The following G3BP2 variants were observed in gnomAD, a reference collection of about 807,000 sequenced individuals.
The protein encoded by G3BP2 is G3BP stress granule assembly factor 2.
A neutral mutation model predicts 56.7 loss-of-function variants in G3BP2; 11 were observed. That is an observed-to-expected ratio of 0.19 (90% CI 0.12 to 0.32). The LOEUF is 0.32. Among genes scored for constraint, G3BP2 ranks in the 10% least tolerant of loss-of-function variants. The pLI is 1.00. For synonymous variants in G3BP2, 165 were observed against 191.6 expected (o/e 0.86, Z 1.15); for missense variants, 340 against 610.9 (o/e 0.56, Z 4.67).
intron 3 of G3BP2, among the ~76,000 whole-genome samples, chr4:75,695,677 A>C (rs1307644272): frequency 6.6e-6 from 1 of 152,128 alleles, no homozygotes; most frequent in Non-Finnish European, 1.5e-5. Context: ...CATACACAAA[A>C]GCCCAAAACA....
chr4:75,700,740 TAA>T (rs113214179), intron 3 of G3BP2, among the ~76,000 whole-genome samples: 3 of 141,824 alleles, frequency 2.1e-5, no homozygotes, highest in Admixed American at 7.1e-5. Flanking sequence ...ATTTTATGGT[TAA>T]AAAAAAAAAG....
At chr4:75,682,145 G>A (rs537945765) in intron 3 of G3BP2, among the ~76,000 whole-genome samples, 17 of 152,234 alleles carry the variant, frequency 1.1e-4, no homozygotes, top group South Asian at 1.0e-3. Flanking sequence ...GGCCAGGTGC[G>A]GTGGCTCATG....
chr4:75,684,000 T>C (rs560994700), intron 3 of G3BP2, among the ~76,000 whole-genome samples: 51 of 152,286 alleles, frequency 3.3e-4, no homozygotes, highest in Middle Eastern at 6.8e-3. Flanking sequence ...CAAAGAGCTA[T>C]GGAGAATCCA....
chr4:75,674,912 G>A (rs1254484896), upstream of G3BP2, among the ~76,000 whole-genome samples: 1 of 151,358 alleles, frequency 6.6e-6, no homozygotes, highest in Non-Finnish European at 1.5e-5. Flanking sequence ...TAGTAGAGAC[G>A]AGGTTTCACT....
intron 3 of G3BP2, among the ~76,000 whole-genome samples, chr4:75,705,799 A>G (rs965198860): frequency 6.6e-6 from 1 of 152,196 alleles, no homozygotes; most frequent in Non-Finnish European, 1.5e-5. Flanking sequence ...AAGAAAGAAC[A>G]GGTGTAACAG....
intron 2 of G3BP2, among the ~76,000 whole-genome samples, chr4:75,721,548 T>C (rs1440117922): frequency 1.3e-5 from 2 of 152,088 alleles, no homozygotes; most frequent in African/African-American, 4.8e-5. Flanking sequence ...ATGAGCTACG[T>C]CTTTAAAAAC....
chr4:75,685,972 G>A (rs924692623), intron 3 of G3BP2, among the ~76,000 whole-genome samples: 12 of 152,136 alleles, frequency 7.9e-5, no homozygotes, highest in Non-Finnish European at 1.6e-4. Flanking sequence ...GAAAGGAAGG[G>A]AAGTGTGTGC....
chr4:75,645,441 G>A lies in G3BP2; in HGVS notation c.1438C>T (p.Gln480Ter). The A allele has an allele frequency of 6.2e-7, 1 of 1,613,720 alleles. No individual in the cohort carries two copies. Residue 480 changes from glutamine (Q) to a stop codon, truncating the protein, a stop_gained, in exon 12 of 12, where the codon CAG becomes TAG. Transcript: ENST00000359707. LOFTEE classifies it high-confidence loss of function. The part of the protein sequence containing the change: ...TGQMEGRFTG[Q>*]RR ...CCAACAGTGGAGCTTCAGCGACGCT[G>A]TCCTGTGAAGCGGCCCTCCATTTGC...
At chr4:75,684,682 C>T (rs1315988651) in intron 3 of G3BP2, among the ~76,000 whole-genome samples, 1 of 152,008 alleles carries the variant, frequency 6.6e-6, no homozygotes, top group African/African-American at 2.4e-5. Context: ...AGGAACATGC[C>T]ACCATGCCCA....
chr4:75,664,455 A>G (rs1167428853), intron 1 of G3BP2, among the ~76,000 whole-genome samples: 2 of 151,748 alleles, frequency 1.3e-5, no homozygotes, highest in Admixed American at 6.6e-5. Context: ...TGGCGCCTGT[A>G]GTCCCAGCTA....
Position 75,664,763 on chromosome 4 carries a change from C to T in G3BP2, c.-24-2714G>A, listed in dbSNP as rs1400946171. ...CTCAGGAGACTGAGGCACAAAAAAT[C>T]ACTTTAACCTGGGGGACAAAGGTTG... On this transcript the variant is annotated intron_variant, in intron 1 of 11. Coordinates refer to ENST00000359707, the MANE Select transcript of G3BP2 (RefSeq NM_203505.3). 2.0e-5 allele frequency among the ~76,000 whole-genome samples: 3 copies of T among 152,072 alleles called. No individual in the cohort carries two copies. The South Asian group carries it at 6.2e-4, about 32-fold the overall frequency.
At chr4:75,709,412 T>C (rs1719669442) in intron 3 of G3BP2, among the ~76,000 whole-genome samples, 2 of 81,984 alleles carry the variant, frequency 2.4e-5, no homozygotes, top group African/African-American at 5.2e-5. Flanking sequence ...AGGGTGAGAC[T>C]CCGTCTCAAA....
chr4:75,656,017 GTCTTGT>G (rs1732081504), intron 5 of G3BP2, 147 bp from the exon 6 acceptor site: 1 of 568,180 alleles, frequency 1.8e-6, no homozygotes, highest in East Asian at 3.0e-5. Context: ...TTGAGATGGA[GTCTTGT>G]TCTGTTGCCC....
chr4:75,708,230 C>T (rs1419470951), intron 3 of G3BP2, among the ~76,000 whole-genome samples: 1 of 152,140 alleles, frequency 6.6e-6, no homozygotes, highest in Non-Finnish European at 1.5e-5. Flanking sequence ...CCTTCTTCCC[C>T]ACTAGACTTG....
At chr4:75,665,650 CAAACAA>C (rs557658528) in intron 1 of G3BP2, among the ~76,000 whole-genome samples, 4,258 of 32,830 alleles carry the variant, frequency 0.13, 211 homozygotes, top group East Asian at 0.39. Context: ...CACAAACACA[CAAACAA>C]ACACACACAC....
intron 3 of G3BP2, among the ~76,000 whole-genome samples, chr4:75,713,499 C>T (rs1241524371): frequency 6.6e-6 from 1 of 152,196 alleles, no homozygotes; most frequent in African/African-American, 2.4e-5. Context: ...AGTGATATCA[C>T]TGGCAGGGAG....
chr4:75,694,511 G>A (rs1028752822), intron 3 of G3BP2, among the ~76,000 whole-genome samples: 4 of 152,244 alleles, frequency 2.6e-5, no homozygotes, highest in African/African-American at 9.6e-5. Flanking sequence ...AGCTGAGGCA[G>A]GAGAATGGCG....
Position 75,642,945 on chromosome 4 carries a change from C to A in G3BP2, c.*2485G>T, listed in dbSNP as rs987149204. The A allele has an allele frequency of 6.6e-6, 1 of 152,496 alleles. No homozygotes were observed. The highest frequency in any genetic ancestry group is 1.5e-5 in the Non-Finnish European group (1 of 67,982). The allele number at this position is 152,496 out of a possible 1,614,324, so 9.4% of individuals were successfully genotyped here. On this transcript the variant is annotated 3_prime_UTR_variant, in exon 12 of 12. Coordinates refer to ENST00000359707, the MANE Select transcript of G3BP2 (RefSeq NM_203505.3). ...AGATGGTAATCCATTGTCTTCTATA[C>A]CTACTAAAGCCAAGATGGTAAAGCC... is the stretch of plus-strand genomic sequence containing the variant.
chr4:75,651,365 G>A (rs1469398732), intron 8 of G3BP2, among the ~76,000 whole-genome samples: 2 of 152,132 alleles, frequency 1.3e-5, no homozygotes, highest in South Asian at 2.1e-4. Flanking sequence ...ATCAAAACAC[G>A]AGTAACTACA....
Sources: allele counts gnomAD v4.1 joint callset (sites outside exome capture counted in the v4.1 genomes callset), GRCh38; gene constraint gnomAD v4.1.1; transcripts MANE v1.5; gene names NCBI Gene and HGNC (gene_info 2026-07-23, HGNC 2026-07-21).